Variants in LDLRAD3 observed in about 807,000 individuals in gnomAD.
LDLRAD3 encodes the protein low density lipoprotein receptor class A domain containing 3.
In LDLRAD3, 20 loss-of-function variants were observed where a neutral mutation model predicts 29.4. The ratio of observed to expected loss-of-function variants is 0.68; its 90% CI spans 0.48 to 0.99. The LOEUF is 0.99. LDLRAD3 is among the 50% of genes least tolerant of loss of function. The pLI is 0.00. For synonymous variants in LDLRAD3, 157 were observed against 192.7 expected, an observed-to-expected ratio of 0.81 and a Z score of 1.53; for missense variants, 420 against 454.3, an observed-to-expected ratio of 0.92 and a Z score of 0.69.
At chr11:36,225,123 T>C (rs1205853017) in intron 4 of LDLRAD3, among the ~76,000 whole-genome samples, 3 of 152,164 alleles carry the variant, frequency 2.0e-5, no homozygotes, top group Admixed American at 2.0e-4. Flanking sequence ...CCTTAGCCGA[T>C]GCCAGGACAG....
chr11:36,081,200 A>G (rs1283788165), intron 2 of LDLRAD3, among the ~76,000 whole-genome samples: 1 of 152,150 alleles, frequency 6.6e-6, no homozygotes, highest in Non-Finnish European at 1.5e-5. Flanking sequence ...CCATTGGGTG[A>G]TTGCTGGGTG....
intron 1 of LDLRAD3, among the ~76,000 whole-genome samples, chr11:35,961,967 C>G (rs1423165536): frequency 6.6e-6 from 1 of 152,036 alleles, no homozygotes; most frequent in Non-Finnish European, 1.5e-5. Flanking sequence ...TGACTGTGAT[C>G]CTGTTTGTGG....
At chr11:36,140,531 C>T (rs1257092598) in intron 4 of LDLRAD3, among the ~76,000 whole-genome samples, 3 of 152,104 alleles carry the variant, frequency 2.0e-5, no homozygotes, top group East Asian at 1.9e-4. Context: ...CGGGCTCAAG[C>T]GATCCTCCCA....
At chr11:36,007,351 C>A (rs933225644) in intron 1 of LDLRAD3, among the ~76,000 whole-genome samples, 1 of 152,152 alleles carries the variant, frequency 6.6e-6, no homozygotes, top group Non-Finnish European at 1.5e-5. Context: ...AGCCTACCTG[C>A]TTTGCAATTA....
chr11:36,190,285 A>G (rs1854921588), intron 4 of LDLRAD3, among the ~76,000 whole-genome samples: 1 of 152,268 alleles, frequency 6.6e-6, no homozygotes, highest in Non-Finnish European at 1.5e-5. Flanking sequence ...GTTTAAGGTC[A>G]GGAAATCAAG....
intron 4 of LDLRAD3, among the ~76,000 whole-genome samples, chr11:36,112,503 T>C (rs1590277215): frequency 6.6e-6 from 1 of 152,364 alleles, no homozygotes; most frequent in East Asian, 1.9e-4. Flanking sequence ...CGTGCACTCA[T>C]GACCTTTGGA....
chr11:36,227,052 T>G, intron 4 of LDLRAD3, 33 bp from the exon 5 acceptor site: 1 of 1,482,920 alleles, frequency 6.7e-7, no homozygotes, highest in Non-Finnish European at 9.2e-7. Flanking sequence ...CTGGTAACCT[T>G]CTCTCTTTTC....
chr11:36,020,780 C>G (rs1000696926), intron 1 of LDLRAD3, among the ~76,000 whole-genome samples: 1 of 152,142 alleles, frequency 6.6e-6, no homozygotes, highest in Non-Finnish European at 1.5e-5. Context: ...TCTGCTGACC[C>G]AGGGACCTTG....
At chr11:35,951,460 G>A (rs1851134595) in intron 1 of LDLRAD3, among the ~76,000 whole-genome samples, 1 of 152,162 alleles carries the variant, frequency 6.6e-6, no homozygotes, top group South Asian at 2.1e-4. Context: ...CAAGCAATTT[G>A]GCAGTTTCCC....
chr11:36,109,827 A>G (rs1853582721), intron 4 of LDLRAD3: 1 of 151,192 alleles, frequency 6.6e-6, no homozygotes, highest in South Asian at 2.1e-4. Flanking sequence ...GGTGGTCAGT[A>G]TTTACGCCAA....
rs199527223 is a variant in LDLRAD3 at position 35,983,339 on chromosome 11, A to T, written c.46+39195A>T. ...TACCTGTTCCTTTTTACCTGTTTGT[A>T]ATGTGGCTACTAGAAACATTTTAAT... On this transcript the variant is annotated intron_variant, in intron 1 of 5. Transcript: ENST00000315571. Among the ~76,000 whole-genome samples the T allele has an allele frequency of 0.015, 2,214 of 152,344 alleles. 103 individuals carry two copies. The East Asian group carries it at 0.15, about 11-fold the overall frequency.
intron 4 of LDLRAD3, among the ~76,000 whole-genome samples, chr11:36,151,459 A>G (rs780777057): frequency 2.6e-5 from 4 of 152,252 alleles, no homozygotes; most frequent in Admixed American, 6.5e-5. Flanking sequence ...CCGCCATTTT[A>G]CGAAGAAGGA....
chr11:36,212,834 A>C (rs757177107), intron 4 of LDLRAD3, among the ~76,000 whole-genome samples: 1 of 152,184 alleles, frequency 6.6e-6, no homozygotes, highest in South Asian at 2.1e-4. Context: ...GGCCATTGAT[A>C]CCAGTTGGCT....
intron 2 of LDLRAD3, among the ~76,000 whole-genome samples, chr11:36,065,352 AT>A (rs1006726263): frequency 3.3e-5 from 5 of 152,194 alleles, no homozygotes; most frequent in East Asian, 3.9e-4. Context: ...GATTTCAAAT[AT>A]TTTTTTAAGC....
At chr11:36,227,543 A>G (rs1240625748) in intron 5 of LDLRAD3, 113 bp downstream of exon 5, 3 of 760,884 alleles carry the variant, frequency 3.9e-6, no homozygotes, top group Admixed American at 3.4e-5. Flanking sequence ...TTCAGCTGCT[A>G]TAGGCAGTGG....
At chr11:36,205,313 C>A (rs1361656748) in intron 4 of LDLRAD3, among the ~76,000 whole-genome samples, 2 of 152,100 alleles carry the variant, frequency 1.3e-5, no homozygotes, top group African/African-American at 4.8e-5. Context: ...GAGGAAAAGC[C>A]CAGTATTGTG....
intron 1 of LDLRAD3, among the ~76,000 whole-genome samples, chr11:35,973,601 A>G (rs1376472916): frequency 6.6e-6 from 1 of 151,492 alleles, no homozygotes; most frequent in Non-Finnish European, 1.5e-5. Flanking sequence ...AATAGCTGGG[A>G]CTACAGGTGC....
chr11:35,966,698 G>GTT (rs1851346312), intron 1 of LDLRAD3, among the ~76,000 whole-genome samples: 2 of 152,112 alleles, frequency 1.3e-5, no homozygotes, highest in South Asian at 4.1e-4. Context: ...AGATGTCCAA[G>GTT]TTATATACAG....
chr11:36,147,198 A>G (rs1565258816), intron 4 of LDLRAD3, among the ~76,000 whole-genome samples: 2 of 128,606 alleles, frequency 1.6e-5, no homozygotes. Flanking sequence ...GCTCACTGCA[A>G]GCTCCGCCTC....
Sources: allele counts gnomAD v4.1 joint callset (sites outside exome capture counted in the v4.1 genomes callset), GRCh38; gene constraint gnomAD v4.1.1; transcripts MANE v1.5; gene names NCBI Gene and HGNC (gene_info 2026-07-23, HGNC 2026-07-21).